KIF26B: variants seen among roughly 807,000 people sequenced by gnomAD.
KIF26B encodes kinesin family member 26B, also known as kinesin-like protein KIF26B.
A neutral mutation model predicts 151.2 loss-of-function variants in KIF26B; 63 were observed. That is an observed-to-expected ratio of 0.42 (90% CI 0.34 to 0.51). The LOEUF (loss-of-function observed/expected upper bound fraction) is 0.51. KIF26B is among the 20% of genes least tolerant of loss of function. The pLI, the probability that KIF26B is intolerant of heterozygous loss-of-function variation, is 0.07. For missense variants in KIF26B, 2,813 were observed against 2,913.6 expected, an observed-to-expected ratio of 0.97 and a Z score of 0.79; for synonymous variants, 1,357 against 1,262.1, an observed-to-expected ratio of 1.08 and a Z score of -1.59.
rs188124351 is a variant in KIF26B, at chr1:245,233,786, A to G, written c.465+77103A>G. ...CTGATGAGAGTGAGCATTTGCTGAG[A>G]TCATGCATCTGTGGTGTTCAGTAGA... On this transcript the variant is annotated intron_variant, in intron 2 of 14. Transcript: ENST00000407071. 9.2e-5 allele frequency among the ~76,000 whole-genome samples: 14 copies of G among 152,170 alleles called. No individual in the cohort carries two copies. The East Asian group carries it at 2.3e-3, about 25-fold the overall frequency.
chr1:245,505,779 T>C (rs949263440), intron 4 of KIF26B, among the ~76,000 whole-genome samples: 5 of 152,344 alleles, frequency 3.3e-5, no homozygotes, highest in African/African-American at 1.2e-4. Flanking sequence ...TTACCAAATA[T>C]AAACACTACT....
intron 2 of KIF26B, among the ~76,000 whole-genome samples, chr1:245,303,295 T>A (rs1203833257): frequency 1.4e-5 from 2 of 145,006 alleles, no homozygotes; most frequent in Admixed American, 1.4e-4. Flanking sequence ...GCCTCCCGGG[T>A]TCACGCCATT....
chr1:245,321,819 A>G (rs192969500), intron 2 of KIF26B, among the ~76,000 whole-genome samples: 43 of 152,316 alleles, frequency 2.8e-4, no homozygotes, highest in Admixed American at 4.6e-4. Context: ...AGCAGCCCTG[A>G]CTATTGTAGC....
rs1376623282 is a variant in KIF26B at position 245,708,258 on chromosome 1, G to A, written c.*5652G>A. On this transcript the variant is annotated 3_prime_UTR_variant, in exon 15 of 15. Coordinates refer to ENST00000407071, the MANE Select transcript of KIF26B (RefSeq NM_018012.4). Reference sequence around the variant, plus strand: ...CAAGAGAAAGTGGTATAAGTGATGGGAAGTGCTTTGAAGAAATTAAAGGTC... The same window carrying A: ...CAAGAGAAAGTGGTATAAGTGATGGAAAGTGCTTTGAAGAAATTAAAGGTC... The A allele has an allele frequency of 6.6e-6, 1 of 152,236 alleles. No individual in the cohort carries two copies. 9.4% of individuals were successfully genotyped at this position (152,236 alleles called of 1,614,324 possible). A position where few individuals can be genotyped will look rare whatever the true frequency, so the allele number is the denominator to read the frequency against.
At chr1:245,664,438 C>T (rs1214775488) in intron 10 of KIF26B, among the ~76,000 whole-genome samples, 3 of 151,666 alleles carry the variant, frequency 2.0e-5, no homozygotes, top group Non-Finnish European at 4.4e-5. Context: ...CATATTGCTC[C>T]TTTGCTTTTT....
intron 2 of KIF26B, among the ~76,000 whole-genome samples, chr1:245,219,162 G>T (rs535696092): frequency 1.0e-5 from 1 of 96,604 alleles, no homozygotes; most frequent in Non-Finnish European, 1.8e-5. Context: ...TTTTTGAGAC[G>T]GAGTCTTGCT....
rs773883282 is a variant in KIF26B at position 245,685,699 on chromosome 1, G to A, written c.2716G>A (p.Ala906Thr). 1.9e-5 allele frequency: 30 copies of A among 1,612,664 alleles called. No individual in the cohort carries two copies. Among genetic ancestry groups the A allele is most frequent in the Middle Eastern group, 1.6e-4 (1 of 6,084 alleles). ...LQKTRGDSRP[A>T]EAGEAAAGKS... ...GAAGACCCGGGGCGACAGCCGGCCCGCAGAGGCAGGAGAGGCTGCAGCCGG... is the reference window on the plus strand; with the variant it reads ...GAAGACCCGGGGCGACAGCCGGCCCACAGAGGCAGGAGAGGCTGCAGCCGG... The change falls in exon 12 of 15, where the codon GCA becomes ACA. Residue 906 changes from alanine (A) to threonine (T), a missense_variant. By Grantham distance (58) the Ala-to-Thr change is moderately conservative (BLOSUM62 0). Coordinates refer to ENST00000407071, the MANE Select transcript of KIF26B (RefSeq NM_018012.4).
At chr1:245,603,320 A>C (rs112130864) in intron 6 of KIF26B, among the ~76,000 whole-genome samples, 42 of 152,282 alleles carry the variant, frequency 2.8e-4, no homozygotes, top group Non-Finnish European at 5.0e-4. Flanking sequence ...AAGGGGAAGA[A>C]GAGAGGCTCA....
intron 10 of KIF26B, among the ~76,000 whole-genome samples, chr1:245,679,734 G>A (rs1008981547): frequency 6.6e-6 from 1 of 152,184 alleles, no homozygotes; most frequent in Admixed American, 6.5e-5. Flanking sequence ...CTCTCAAAGT[G>A]TGGGGATTAC....
chr1:245,603,004 C>T (rs1453625936), intron 6 of KIF26B, among the ~76,000 whole-genome samples: 1 of 151,956 alleles, frequency 6.6e-6, no homozygotes, highest in Non-Finnish European at 1.5e-5. Flanking sequence ...TAAAATCTGT[C>T]CTTGGGGAGA....
intron 2 of KIF26B, among the ~76,000 whole-genome samples, chr1:245,174,798 C>T (rs1161919562): frequency 6.6e-6 from 1 of 152,192 alleles, no homozygotes; most frequent in Non-Finnish European, 1.5e-5. Context: ...TGGCTTTACT[C>T]CCCATAGGGC....
At chr1:245,295,975 C>T (rs1022278985) in intron 2 of KIF26B, among the ~76,000 whole-genome samples, 3 of 152,176 alleles carry the variant, frequency 2.0e-5, no homozygotes, top group Admixed American at 1.3e-4. Flanking sequence ...GGACACTTCT[C>T]TGCCTCTCCA....
intron 5 of KIF26B, among the ~76,000 whole-genome samples, chr1:245,569,368 G>A (rs991167046): frequency 6.6e-6 from 1 of 152,126 alleles, no homozygotes; most frequent in Non-Finnish European, 1.5e-5. Context: ...AGCACTTTGG[G>A]AGGCTGAGAC....
chr1:245,431,482 T>C (rs981605006), intron 4 of KIF26B, among the ~76,000 whole-genome samples: 21 of 151,584 alleles, frequency 1.4e-4, no homozygotes, highest in Admixed American at 8.5e-4. Flanking sequence ...GTAGCTGGGA[T>C]TACAGGCATC....
At chr1:245,197,102 C>G (rs1006327921) in intron 2 of KIF26B, among the ~76,000 whole-genome samples, 1 of 152,268 alleles carries the variant, frequency 6.6e-6, no homozygotes, top group South Asian at 2.1e-4. Flanking sequence ...CTGCATCACC[C>G]GACCAATTAT....
At chr1:245,383,888 G>A (rs77616981) in intron 3 of KIF26B, among the ~76,000 whole-genome samples, 2,078 of 152,236 alleles carry the variant, frequency 0.014, 48 homozygotes, top group African/African-American at 0.047. Flanking sequence ...GTGATTTGCC[G>A]ACTGTTCCTG....
At chr1:245,604,737 T>A (rs2043432209) in intron 6 of KIF26B, among the ~76,000 whole-genome samples, 1 of 152,264 alleles carries the variant, frequency 6.6e-6, no homozygotes, top group Non-Finnish European at 1.5e-5. Flanking sequence ...GAGCTCAGTA[T>A]GCTCAATACT....
At chr1:245,660,721 C>T (rs994640304) in intron 10 of KIF26B, among the ~76,000 whole-genome samples, 12 of 152,152 alleles carry the variant, frequency 7.9e-5, no homozygotes, top group South Asian at 2.1e-4. Context: ...TAAGCACCTA[C>T]GTTGCTCTCT....
At chr1:245,297,336 C>T (rs1374273760) in intron 2 of KIF26B, among the ~76,000 whole-genome samples, 1 of 152,128 alleles carries the variant, frequency 6.6e-6, no homozygotes, top group Admixed American at 6.5e-5. Context: ...GAGTGAGATT[C>T]TGTCTCAAAA....
Sources: gnomAD v4.1 joint callset for allele counts (sites outside exome capture counted in the v4.1 genomes callset) on GRCh38, gnomAD v4.1.1 for gene constraint, MANE v1.5 for transcripts, NCBI Gene and HGNC (gene_info 2026-07-23, HGNC 2026-07-21) for gene names.